The following SYAP1 variants were observed in gnomAD, a reference collection of about 807,000 sequenced individuals.
The protein encoded by SYAP1 is synapse associated protein 1, also known as synapse-associated protein 1.
Under a neutral mutation model 29.6 loss-of-function variants are expected in SYAP1, and 3 were observed. The ratio of observed to expected loss-of-function variants is 0.10; its 90% confidence interval spans 0.05 to 0.26. The LOEUF is 0.26. SYAP1 is among the 10% of genes least tolerant of loss of function. SYAP1 has a pLI of 1.00. For missense variants in SYAP1, 217 were observed against 264.1 expected (o/e 0.82, Z 1.24); for synonymous variants, 102 against 102.7 (o/e 0.99, Z 0.04).
At chrX:16,730,391 T>C (rs1926181756) in intron 1 of SYAP1, among the ~76,000 whole-genome samples, 1 of 112,844 alleles carries the variant, frequency 8.9e-6, no homozygotes, top group Non-Finnish European at 1.9e-5. Context: ...ATCTGTTTCT[T>C]CAGTAGTGTT....
chrX:16,748,858 G>A lies in SYAP1; in HGVS notation c.575+5018G>A, dbSNP rs936521796. On this transcript the variant is annotated intron_variant, in intron 5 of 8. Coordinates refer to ENST00000380155, the MANE Select transcript of SYAP1 (RefSeq NM_032796.4). ...CAACCTCCACCTCCCGGGTTCTAGC[G>A]ATTCTCCTGTGCCTCAGCCTCCCAA... Among the ~76,000 whole-genome samples, 37 of 107,601 alleles carry A rather than the reference G, an allele frequency of 3.4e-4. 1 individual carries two copies. The highest frequency in any genetic ancestry group is 1.3e-4 in the Non-Finnish European group (7 of 52,178). The allele number at this position is 107,601 out of a possible 115,157, so 93.4% of individuals were successfully genotyped here. A position where few individuals can be genotyped will look rare whatever the true frequency, so the allele number is the denominator to read the frequency against.
intron 4 of SYAP1, 57 bp downstream of exon 4, chrX:16,741,846 C>A: frequency 1.2e-6 from 1 of 823,190 alleles, no homozygotes; most frequent in Non-Finnish European, 1.8e-6. Context: ...TGATATATCT[C>A]TGTTGATGTG....
chrX:16,725,852 G>A (rs939192545), intron 1 of SYAP1, among the ~76,000 whole-genome samples: 6 of 112,177 alleles, frequency 5.3e-5, no homozygotes, highest in African/African-American at 1.9e-4. Flanking sequence ...TAAAATACCA[G>A]TTTTTAAATG....
In SYAP1 at chrX:16,719,702, C is replaced by T; in HGVS notation, c.-23C>T. 1.7e-6 allele frequency: 2 copies of T among 1,200,661 alleles called. No homozygotes were observed. The highest frequency in any genetic ancestry group is 1.8e-5 in the South Asian group (1 of 55,510). ...CGCTGCGGTCTCTGGGGATCGGGAC[C>T]GCGGCGGCGGCCCGCGAGCGGGATG... On this transcript the variant is annotated 5_prime_UTR_variant, in exon 1 of 9. Transcript: ENST00000380155.
intron 1 of SYAP1, among the ~76,000 whole-genome samples, chrX:16,732,683 G>A (rs1314449645): frequency 8.9e-6 from 1 of 112,260 alleles, no homozygotes; most frequent in Non-Finnish European, 1.9e-5. Context: ...AACTAGTGTG[G>A]CTGTCTACCC....
chrX:16,753,244 C>CAAA (rs770811287), intron 5 of SYAP1, among the ~76,000 whole-genome samples: 1 of 41,399 alleles, frequency 2.4e-5, no homozygotes, highest in Non-Finnish European at 4.6e-5. Context: ...GACTCCGTCT[C>CAAA]AAAAAAAAAA....
chrX:16,758,974 G>A (rs1298325776), intron 8 of SYAP1, among the ~76,000 whole-genome samples: 2 of 105,204 alleles, frequency 1.9e-5, no homozygotes, highest in African/African-American at 6.9e-5. Context: ...ACGAGGTCAG[G>A]AGATCGAGAC....
intron 7 of SYAP1, among the ~76,000 whole-genome samples, 154 bp from the exon 8 acceptor site, chrX:16,757,008 A>G (rs1245519307): frequency 8.9e-6 from 1 of 112,671 alleles, no homozygotes; most frequent in African/African-American, 3.2e-5. Flanking sequence ...AGCAACTGCA[A>G]GTTAGAAGGT....
intron 8 of SYAP1, among the ~76,000 whole-genome samples, chrX:16,758,691 C>T (rs1926910088): frequency 9.1e-6 from 1 of 109,795 alleles, no homozygotes; most frequent in African/African-American, 3.3e-5. Context: ...TGTAAGATCC[C>T]CAAGGGCAGT....
rs1235949665 is a variant in SYAP1, at chrX:16,763,020, G to A, written c.*2661G>A. 9.0e-6 allele frequency: 1 copy of A among 111,568 alleles called. No individual in the cohort carries two copies. The highest frequency in any genetic ancestry group is 1.9e-5 in the Non-Finnish European group (1 of 53,223). The allele number at this position is 111,568 out of a possible 1,213,427, so 9.2% of individuals were successfully genotyped here. A position where few individuals can be genotyped will look rare whatever the true frequency, so the allele number is the denominator to read the frequency against. ...AAAGACCCAAGGGCTGGGCATGGTG[G>A]TTCACACCTGTAATCCCAGCACTTT... On this transcript the variant is annotated 3_prime_UTR_variant, in exon 9 of 9. Coordinates refer to ENST00000380155, the MANE Select transcript of SYAP1 (RefSeq NM_032796.4).
Position 16,752,550 on chromosome X carries a change from A to G in SYAP1, c.576-2395A>G, listed in dbSNP as rs150019433. On this transcript the variant is annotated intron_variant, in intron 5 of 8. Transcript: ENST00000380155. ...ACATGACCACAGTGTGCCCATCCAA[A>G]TTAGGAAATGATCATTTACACGTTA... Among the ~76,000 whole-genome samples the G allele has an allele frequency of 9.8e-3, 1,076 of 109,794 alleles. 8 individuals are homozygous for G. Among genetic ancestry groups the G allele is most frequent in the Non-Finnish European group, 0.014 (750 of 52,775 alleles).
At chrX:16,735,022 A>C (rs1926299203) in intron 1 of SYAP1, among the ~76,000 whole-genome samples, 2 of 105,933 alleles carry the variant, frequency 1.9e-5, no homozygotes, top group Non-Finnish European at 3.9e-5. Context: ...AAAAAAAAAA[A>C]CAAAAAAAGA....
At position 16,748,741 on chromosome X, in the gene SYAP1, ATTTTTTTCTTT is replaced by A. The variant is rs1245293174; in HGVS notation, c.575+4920_575+4930del. Among the ~76,000 whole-genome samples the A allele has an allele frequency of 6.1e-3, 617 of 101,256 alleles. 6 individuals are homozygous for A. The highest frequency in any genetic ancestry group is 0.019 in the African/African-American group (509 of 27,350). The allele number at this position is 101,256 out of a possible 115,157, so 87.9% of individuals were successfully genotyped here. The stretch of plus-strand genomic sequence containing the variant: ...GTTTGAGAGTTGCTGTGCTCAATTA[ATTTTTTTCTTT>A]TTTTTTTCTTTTTTTTTTTTGAGAC... On this transcript the variant is annotated intron_variant, in intron 5 of 8. Coordinates refer to ENST00000380155, the MANE Select transcript of SYAP1 (RefSeq NM_032796.4).
chrX:16,719,735 G>T lies in SYAP1; in HGVS notation c.11G>T (p.Gly4Val), dbSNP rs767754133. 16 of 1,206,756 alleles carry T rather than the reference G, an allele frequency of 1.3e-5. No homozygotes were observed. Among genetic ancestry groups the T allele is most frequent in the Non-Finnish European group, 1.8e-5 (16 of 893,744 alleles). MFR[G>V]LSSWLGLQQP... Reference sequence around the variant, plus strand: ...CGGCCCGCGAGCGGGATGTTCCGGGGCTTGAGCAGTTGGTTGGGCTTGCAG... The same window carrying T: ...CGGCCCGCGAGCGGGATGTTCCGGGTCTTGAGCAGTTGGTTGGGCTTGCAG... Residue 4 changes from glycine (G) to valine (V), a missense_variant, in exon 1 of 9, where the codon GGC becomes GTC. Gly to Val is a moderately radical substitution (Grantham distance 109, BLOSUM62 -3). Transcript: ENST00000380155.
At chrX:16,731,151 A>G (rs962218616) in intron 1 of SYAP1, among the ~76,000 whole-genome samples, 1 of 111,992 alleles carries the variant, frequency 8.9e-6, no homozygotes, top group Non-Finnish European at 1.9e-5. Flanking sequence ...AAAATTAGTT[A>G]CCCTTTAAAA....
intron 1 of SYAP1, among the ~76,000 whole-genome samples, chrX:16,733,511 C>T (rs902601830): frequency 3.6e-5 from 4 of 111,109 alleles, no homozygotes; most frequent in Non-Finnish European, 7.6e-5. Flanking sequence ...GAGGCAAGAC[C>T]GCCCTAATGT....
intron 5 of SYAP1, among the ~76,000 whole-genome samples, chrX:16,748,763 T>G (rs1166529472): frequency 1.9e-5 from 2 of 107,875 alleles, no homozygotes; most frequent in East Asian, 5.7e-4. Context: ...TTTTTTTCTT[T>G]TTTTTTTTTG....
At chrX:16,741,573 A>G (rs1926460864) in intron 3 of SYAP1, 143 bp from the exon 4 acceptor site, 1 of 420,416 alleles carries the variant, frequency 2.4e-6, no homozygotes, top group Non-Finnish European at 4.2e-6. Context: ...TATTACGGTT[A>G]ATGTTCATAT....
chrX:16,745,016 T>G (rs758766061), intron 5 of SYAP1, among the ~76,000 whole-genome samples: 15 of 111,998 alleles, frequency 1.3e-4, no homozygotes, highest in Non-Finnish European at 2.4e-4. Flanking sequence ...CTCGGGACTC[T>G]TTTGTTTGTT....
Sources: allele counts gnomAD v4.1 joint callset (sites outside exome capture counted in the v4.1 genomes callset), GRCh38; gene constraint gnomAD v4.1.1; transcripts MANE v1.5; gene names NCBI Gene and HGNC (gene_info 2026-07-23, HGNC 2026-07-21).